Variants in ZNF850 observed in about 807,000 individuals in gnomAD.
The protein encoded by ZNF850 is putative zinc finger protein ENSP00000330994.
A neutral mutation model predicts 11.9 loss-of-function variants in ZNF850; 2 were observed. The ratio of observed to expected loss-of-function variants is 0.17; its 90% CI spans 0.07 to 0.53. The LOEUF (loss-of-function observed/expected upper bound fraction) is 0.53. Ranked by LOEUF, ZNF850 falls within the 20% of genes least tolerant of loss-of-function variation. The pLI, the probability that ZNF850 is intolerant of heterozygous loss-of-function variation, is 0.94. For missense variants in ZNF850, 1,014 were observed against 1,316.4 expected (o/e 0.77, Z 3.55); for synonymous variants, 381 against 443.0 (o/e 0.86, Z 1.76).
chr19:36,771,577 G>A (rs1049910818), intron 1 of ZNF850, among the ~76,000 whole-genome samples: 3 of 151,284 alleles, frequency 2.0e-5, no homozygotes, highest in African/African-American at 7.3e-5. Context: ...AGGAGCTGAA[G>A]TGAAAGTTTG....
intron 4 of ZNF850, among the ~76,000 whole-genome samples, chr19:36,758,190 A>G (rs2040498364): frequency 6.6e-6 from 1 of 152,160 alleles, no homozygotes; most frequent in Admixed American, 6.6e-5. Context: ...TAGTATGTAT[A>G]CAAAATGAGG....
At position 36,749,709 on chromosome 19, in the gene ZNF850, G is replaced by C; in HGVS notation, c.1331C>G (p.Thr444Ser). The C allele has an allele frequency of 1.3e-6, 2 of 1,560,220 alleles. No individual in the cohort carries two copies. The highest frequency in any genetic ancestry group is 1.7e-6 in the Non-Finnish European group (2 of 1,154,650). The change falls in exon 5 of 5, where the codon ACT becomes AGT. Residue 444 changes from threonine to serine, a missense_variant. Coordinates refer to ENST00000591344, the MANE Select transcript of ZNF850 (RefSeq NM_001193552.2). ...CTTACAATCATAGGGTTTCTCACCA[G>C]TGTGAATTCGCTGATGTTGAATTAG... ...STLIQHQRIH[T>S]GEKPYDCKEC...
At position 36,748,887 on chromosome 19, in the gene ZNF850, T is replaced by G. The variant is rs964194211; in HGVS notation, c.2153A>C (p.Gln718Pro). ...KSFTFCSGLI[Q>P]HQQNHTDEKP... ...CTCATCAGTGTGATTTTGCTGATGT[T>G]GAATTAGTCCTGAGCAGAAAGTAAA... Residue 718 changes from glutamine (Q) to proline (P), a missense_variant, in exon 5 of 5, where the codon CAA (glutamine) becomes CCA (proline). This residue lies in a region of ZNF850 where 835 missense variants were observed against 1,022.0 expected (regional missense o/e 0.82). Transcript: ENST00000591344. The G allele has an allele frequency of 4.5e-6, 7 of 1,555,066 alleles. No individual in the cohort carries two copies. Among genetic ancestry groups the G allele is most frequent in the Non-Finnish European group, 3.5e-6 (4 of 1,153,158 alleles).
chr19:36,768,760 C>A (rs754650684), intron 1 of ZNF850, among the ~76,000 whole-genome samples: 1 of 151,394 alleles, frequency 6.6e-6, no homozygotes, highest in Admixed American at 6.6e-5. Context: ...CTCAGGAGTT[C>A]GAGACCAGAC....
Position 36,750,623 on chromosome 19 carries a change from T to C in ZNF850, c.417A>G (p.Glu139=). 2 of 1,536,162 alleles carry C rather than the reference T, an allele frequency of 1.3e-6. No individual in the cohort carries two copies. The highest frequency in any genetic ancestry group is 1.7e-6 in the Non-Finnish European group (2 of 1,146,928). Residue 139 remains glutamate, a synonymous_variant, in exon 5 of 5, where the codon GAA becomes GAG. Coordinates refer to ENST00000591344, the MANE Select transcript of ZNF850 (RefSeq NM_001193552.2). Reference sequence around the variant, plus strand: ...TTGTTTCATAAGTCATTATTGCTTTTTCCAAATATCGCTCCTGATTTATAT... The same window carrying C: ...TTGTTTCATAAGTCATTATTGCTTTCTCCAAATATCGCTCCTGATTTATAT... ...HQDINQERYL[E]KAIMTYETTP... is the part of the protein sequence containing the mutation.
chr19:36,751,631 G>A (rs1443523810), intron 4 of ZNF850, among the ~76,000 whole-genome samples: 2 of 143,768 alleles, frequency 1.4e-5, no homozygotes, highest in Non-Finnish European at 3.0e-5. Flanking sequence ...CCGGGAGGCT[G>A]AGGTTGCAGT....
rs776545913 is a variant in ZNF850, at chr19:36,748,018, G to T, written c.3022C>A (p.Pro1008Thr). 1.3e-6 allele frequency: 2 copies of T among 1,591,886 alleles called. No individual in the cohort carries two copies. The highest frequency in any genetic ancestry group is 2.3e-5 in the South Asian group (2 of 88,550). ...RHQRTHTGEK[P>T]YDCKECGKAF... Reference sequence around the variant, plus strand: ...TTCCCACATTCCTTACAATCATAAGGTTTCTCACCAGTGTGAGTTCGCTGA... The same window carrying T: ...TTCCCACATTCCTTACAATCATAAGTTTTCTCACCAGTGTGAGTTCGCTGA... The change falls in exon 5 of 5, where the codon CCT becomes ACT. Residue 1008 changes from proline (P) to threonine (T), a missense_variant. By Grantham distance (38) the Pro-to-Thr change is conservative. Around this residue, in one of 2 missense-constraint regions of ZNF850, gnomAD observed 179 missense variants for 294.4 expected, o/e 0.61. Coordinates refer to ENST00000591344, the MANE Select transcript of ZNF850 (RefSeq NM_001193552.2).
chr19:36,751,055 G>A (rs1600605628), intron 4 of ZNF850, among the ~76,000 whole-genome samples: 1 of 109,204 alleles, frequency 9.2e-6, no homozygotes, highest in Non-Finnish European at 1.7e-5. Context: ...CACAGAGCAA[G>A]ACCCTGTCTT....
At chr19:36,771,642 G>T (rs1248141556) in intron 1 of ZNF850, among the ~76,000 whole-genome samples, 1 of 152,106 alleles carries the variant, frequency 6.6e-6, no homozygotes, top group Non-Finnish European at 1.5e-5. Context: ...CAATGAGGGG[G>T]TGAAGTTATG....
chr19:36,755,014 C>T (rs772906631), intron 4 of ZNF850, among the ~76,000 whole-genome samples: 17 of 152,078 alleles, frequency 1.1e-4, no homozygotes, highest in Non-Finnish European at 1.9e-4. Flanking sequence ...CACAGGAACA[C>T]GTGAATCCCC....
chr19:36,756,239 GT>G lies in ZNF850; in HGVS notation c.235+5403del, dbSNP rs564225046. ...GTTTTAAGTGCCATATCACCTACTT[GT>G]TCACTAAGATCTCAACTATACTTTC... On this transcript the variant is annotated intron_variant, in intron 4 of 4. Coordinates refer to ENST00000591344, the MANE Select transcript of ZNF850 (RefSeq NM_001193552.2). Among the ~76,000 whole-genome samples, 60 of 152,162 alleles carry G rather than the reference GT, an allele frequency of 3.9e-4. 2 individuals carry two copies. The South Asian group carries it at 0.012, about 29-fold the overall frequency.
In ZNF850 at chr19:36,749,063, T is replaced by A. The variant is rs2040433400; in HGVS notation, c.1977A>T (p.Gly659=). The change falls in exon 5 of 5, where the codon GGA becomes GGT. Residue 659 remains glycine, a synonymous_variant. Coordinates refer to ENST00000591344, the MANE Select transcript of ZNF850 (RefSeq NM_001193552.2). ...TGTGAATTCTGTGATGTTGGGTGAG[T>A]CCTGAGACACTGACAAAGGCTTTCC... ...ECGKAFVSVS[G]LTQHHRIHTG... 2 of 1,605,654 alleles carry A rather than the reference T, an allele frequency of 1.2e-6. No homozygotes were observed. Among genetic ancestry groups the A allele is most frequent in the Non-Finnish European group, 1.7e-6 (2 of 1,177,204 alleles).
At chr19:36,764,022 G>T (rs142911363) in intron 1 of ZNF850, among the ~76,000 whole-genome samples, 30 of 152,106 alleles carry the variant, frequency 2.0e-4, no homozygotes, top group Non-Finnish European at 2.9e-5. Context: ...TGAGTCGGGC[G>T]GATCACGAGG....
Position 36,749,924 on chromosome 19 carries a change from T to C in ZNF850, c.1116A>G (p.Lys372=). The change falls in exon 5 of 5, where the codon AAA becomes AAG. Residue 372 remains lysine, a synonymous_variant. Coordinates refer to ENST00000591344, the MANE Select transcript of ZNF850 (RefSeq NM_001193552.2). ...EKPYDCKECG[K]SFTFHSALIR... is the part of the protein sequence containing the mutation. ...TTAGAGCTGAGTGAAAAGTAAAAGA[T>C]TTTCCACATTCCTTACAGTCATAGG... 1 of 1,571,010 alleles carries C rather than the reference T, an allele frequency of 6.4e-7. No individual in the cohort carries two copies. The highest frequency in any genetic ancestry group is 1.2e-5 in the South Asian group (1 of 86,094).
chr19:36,756,036 G>C (rs919077695), intron 4 of ZNF850, among the ~76,000 whole-genome samples: 1 of 150,990 alleles, frequency 6.6e-6, no homozygotes. Context: ...ATCCCTAGTA[G>C]CTGGGATTAC....
chr19:36,750,581 T>C lies in ZNF850; in HGVS notation c.459A>G (p.Leu153=). Residue 153 remains leucine, a synonymous_variant, in exon 5 of 5, where the codon CTA becomes CTG. Transcript: ENST00000591344. ...MTYETTPTFC[L]QTSLTLHHRI... ...GATGATGCAGAGTGAGAGATGTCTGTAGGCAGAAAGTTGGTGTTGTTTCAT... is the reference window on the plus strand; with the variant it reads ...GATGATGCAGAGTGAGAGATGTCTGCAGGCAGAAAGTTGGTGTTGTTTCAT... The C allele has an allele frequency of 6.5e-7, 1 of 1,536,166 alleles. No individual in the cohort carries two copies. The highest frequency in any genetic ancestry group is 8.7e-7 in the Non-Finnish European group (1 of 1,146,920).
rs1160631901 is a variant in ZNF850, at chr19:36,748,783, C to T, written c.2257G>A (p.Gly753Ser). ...TCCTTACAATCATAGGGTTTCTCAC[C>T]AGTGTGAATTTGCTGATGTTGAATT... ...TLIQHQQIHTGEKPYDCKECG... is the reference protein window; with the variant it reads ...TLIQHQQIHTSEKPYDCKECG... Residue 753 changes from glycine (G) to serine (S), a missense_variant, in exon 5 of 5, where the codon GGT becomes AGT. Transcript: ENST00000591344. 3.9e-6 allele frequency: 6 copies of T among 1,552,620 alleles called. No individual in the cohort carries two copies. The highest frequency in any genetic ancestry group is 2.4e-5 in the South Asian group (2 of 84,964).
At position 36,746,219 on chromosome 19, in the gene ZNF850, T is replaced by C. The variant is rs902083042; in HGVS notation, c.*1548A>G. ...ACTTTGTATCTGTGTCATATTTGGA[T>C]GATCCCAACAATATTTCAACTTTCT... is the stretch of plus-strand genomic sequence containing the variant. On this transcript the variant is annotated 3_prime_UTR_variant, in exon 5 of 5. Coordinates refer to ENST00000591344, the MANE Select transcript of ZNF850 (RefSeq NM_001193552.2). 3 of 152,220 alleles carry C rather than the reference T, an allele frequency of 2.0e-5. No homozygotes were observed. The highest frequency in any genetic ancestry group is 7.2e-5 in the African/African-American group (3 of 41,462). The allele number at this position is 152,220 out of a possible 1,614,324, so 9.4% of individuals were successfully genotyped here.
chr19:36,764,006 G>A (rs1271949172), intron 1 of ZNF850, among the ~76,000 whole-genome samples: 1 of 152,084 alleles, frequency 6.6e-6, no homozygotes, highest in Non-Finnish European at 1.5e-5. Context: ...CAGCACTTTG[G>A]GAGGCTGAGT....
Sources: gnomAD v4.1 joint callset for allele counts (sites outside exome capture counted in the v4.1 genomes callset) on GRCh38, gnomAD v4.1.1 for gene constraint, gnomAD v4.1.1 regional missense constraint, MANE v1.5 for transcripts, NCBI Gene and HGNC (gene_info 2026-07-23, HGNC 2026-07-21) for gene names.